The following ZRANB1 variants were observed in gnomAD, a reference collection of about 807,000 sequenced individuals.
ZRANB1 encodes ubiquitin thioesterase ZRANB1.
Under a neutral mutation model 80.5 loss-of-function variants are expected in ZRANB1, and 16 were observed. That is an observed-to-expected ratio of 0.20 (90% CI 0.13 to 0.30). The LOEUF is 0.30. Among genes scored for constraint, ZRANB1 ranks in the 10% least tolerant of loss-of-function variants. The pLI is 1.00. For missense variants in ZRANB1, 576 were observed against 862.6 expected, an observed-to-expected ratio of 0.67 and a Z score of 4.16; for synonymous variants, 291 against 293.1, an observed-to-expected ratio of 0.99 and a Z score of 0.07.
chr10:124,917,649 A>C, the ZRANB1 span, among the ~76,000 whole-genome samples: 1 of 152,188 alleles, frequency 6.6e-6, no homozygotes, highest in Non-Finnish European at 1.5e-5. Context: ...GGCCGTAAAC[A>C]CTTGGGTCCA....
At chr10:124,956,421 G>A (rs1439270465) in intron 1 of ZRANB1, among the ~76,000 whole-genome samples, 1 of 152,140 alleles carries the variant, frequency 6.6e-6, no homozygotes, top group Non-Finnish European at 1.5e-5. Context: ...CAGTCCTGCT[G>A]TGCATAGACA....
rs1457957027 is a variant in ZRANB1 at position 124,985,865 on chromosome 10, A to T, written c.*873A>T. The stretch of plus-strand genomic sequence containing the variant: ...ACTCCATCAACAATGTGCTGCTCCC[A>T]GATTGCCATGCCAGAGGGTCTTCGG... On this transcript the variant is annotated 3_prime_UTR_variant, in exon 9 of 9. Coordinates refer to ENST00000359653, the MANE Select transcript of ZRANB1 (RefSeq NM_017580.3). The T allele has an allele frequency of 6.6e-6, 1 of 151,964 alleles. No individual in the cohort carries two copies. Among genetic ancestry groups the T allele is most frequent in the Non-Finnish European group, 1.5e-5 (1 of 67,952 alleles). 9.4% of individuals were successfully genotyped at this position (151,964 alleles called of 1,614,324 possible).
In ZRANB1 at chr10:124,986,555, G is replaced by C. The variant is rs1589861872; in HGVS notation, c.*1563G>C. 6.6e-6 allele frequency: 1 copy of C among 152,090 alleles called. No individual in the cohort carries two copies. Among genetic ancestry groups the C allele is most frequent in the Non-Finnish European group, 1.5e-5 (1 of 68,034 alleles). The allele number at this position is 152,090 out of a possible 1,614,324, so 9.4% of individuals were successfully genotyped here. On this transcript the variant is annotated 3_prime_UTR_variant, in exon 9 of 9. Transcript: ENST00000359653. Reference sequence around the variant, plus strand: ...CATTTTTTGCTGCATGCTAAATCTTGCAGGAAAAATGATTTTTTAGTACGA... The same window carrying C: ...CATTTTTTGCTGCATGCTAAATCTTCCAGGAAAAATGATTTTTTAGTACGA...
rs779937717 is a variant in ZRANB1, at chr10:124,984,870, C to T, written c.2005C>T (p.Arg669Trp). ...TCTGGTTGCCATGCAGAAGAGTTCT[C>T]GGCGGCGAAATCACCCCCTGGTCAC... Reference protein sequence around the residue: ...GVLVAMQKSSRRRNHPLVTQM... With the variant: ...GVLVAMQKSSWRRNHPLVTQM... Residue 669 changes from arginine to tryptophan, a missense_variant, in exon 9 of 9, where the codon CGG becomes TGG. This residue lies in a region of ZRANB1 where 152 missense variants were observed against 221.9 expected (regional missense o/e 0.69). Coordinates refer to ENST00000359653, the MANE Select transcript of ZRANB1 (RefSeq NM_017580.3). 26 of 1,613,726 alleles carry T rather than the reference C, an allele frequency of 1.6e-5. 1 individual carries two copies. The highest frequency in any genetic ancestry group is 6.6e-5 in the South Asian group (6 of 91,062).
chr10:124,966,329 C>T (rs4246208), intron 1 of ZRANB1, among the ~76,000 whole-genome samples: 101,635 of 151,612 alleles, frequency 0.67, 34,992 homozygotes, highest in Middle Eastern at 0.76. Context: ...ATTCATGCAG[C>T]CTAATAGTTC....
rs375941101 is a variant in ZRANB1, at chr10:124,942,476, C to T, written c.-18C>T. 1.7e-5 allele frequency: 27 copies of T among 1,613,928 alleles called. No individual in the cohort carries two copies. The East Asian group carries it at 5.8e-4, about 35-fold the overall frequency. On this transcript the variant is annotated 5_prime_UTR_variant, in exon 1 of 9. Coordinates refer to ENST00000359653, the MANE Select transcript of ZRANB1 (RefSeq NM_017580.3). ...TTATAGCTTCCTGCCTGACACAGCT[C>T]ACTTCAAGAAGTGCACAATGTCAGA...
chr10:124,984,406 G>T (rs923314722), intron 8 of ZRANB1: 2 of 186,364 alleles, frequency 1.1e-5, no homozygotes, highest in African/African-American at 2.3e-5. Context: ...TTCATAGACC[G>T]TAACTTGTAT....
rs906860807 is a variant in ZRANB1, at chr10:124,987,659, T to C, written c.*2667T>C. On this transcript the variant is annotated 3_prime_UTR_variant, in exon 9 of 9. Transcript: ENST00000359653. Reference sequence around the variant, plus strand: ...CTCTCTCCATGTGAGCTTGTGTTAATAGACACTTTTATGGTAGAGTTGGGA... The same window carrying C: ...CTCTCTCCATGTGAGCTTGTGTTAACAGACACTTTTATGGTAGAGTTGGGA... The C allele has an allele frequency of 2.0e-5, 3 of 152,166 alleles. No homozygotes were observed. The highest frequency in any genetic ancestry group is 4.4e-5 in the Non-Finnish European group (3 of 68,036). The allele number at this position is 152,166 out of a possible 1,614,324, so 9.4% of individuals were successfully genotyped here. A position where few individuals can be genotyped will look rare whatever the true frequency, so the allele number is the denominator to read the frequency against.
At chr10:124,938,108 G>A (rs1951503529), upstream of ZRANB1, among the ~76,000 whole-genome samples, 1 of 152,144 alleles carries the variant, frequency 6.6e-6, no homozygotes, top group Admixed American at 6.5e-5. Context: ...GTGATATTTG[G>A]TAAGTTTTAT....
chr10:124,966,793 G>A lies in ZRANB1; in HGVS notation c.1002+12G>A, dbSNP rs370317543. 1,330 of 1,601,736 alleles carry A rather than the reference G, an allele frequency of 8.3e-4. 1 individual carries two copies. The highest frequency in any genetic ancestry group is 1.1e-3 in the Non-Finnish European group (1,289 of 1,171,194). On this transcript the variant is annotated intron_variant, in intron 2 of 8. Transcript: ENST00000359653. ...TATTGCTTACAGAGGTAAGTTTGGC[G>A]TTTTGGTTAAATGTTCTTTTATATT...
rs759810385 is a variant in ZRANB1 at position 124,984,941 on chromosome 10, G to T, written c.2076G>T (p.Pro692=). ...KWLDRYRQIR[P]CTSLSDGEED... is the part of the protein sequence containing the mutation. The stretch of plus-strand genomic sequence containing the variant: ...TTGACCGCTACCGACAGATCCGGCC[G>T]TGTACATCCCTGTCTGATGGAGAGG... The change falls in exon 9 of 9, where the codon CCG becomes CCT. Residue 692 remains proline (P), a synonymous_variant. Coordinates refer to ENST00000359653, the MANE Select transcript of ZRANB1 (RefSeq NM_017580.3). The T allele has an allele frequency of 3.1e-6, 5 of 1,613,758 alleles. No individual in the cohort carries two copies. The highest frequency in any genetic ancestry group is 1.7e-5 in the Admixed American group (1 of 59,966).
chr10:124,950,497 A>G (rs2134254014), intron 1 of ZRANB1, among the ~76,000 whole-genome samples: 1 of 152,310 alleles, frequency 6.6e-6, no homozygotes, highest in African/African-American at 2.4e-5. Flanking sequence ...AAATATTGTT[A>G]TATTTAATCT....
At chr10:124,979,354 C>T (rs1036985549) in intron 5 of ZRANB1, among the ~76,000 whole-genome samples, 7 of 152,128 alleles carry the variant, frequency 4.6e-5, no homozygotes, top group African/African-American at 1.4e-4. Context: ...TATCTTTCCA[C>T]GTCTTTTGCT....
At chr10:124,979,885 T>C (rs1951917814) in intron 5 of ZRANB1, among the ~76,000 whole-genome samples, 1 of 152,250 alleles carries the variant, frequency 6.6e-6, no homozygotes, top group Admixed American at 6.5e-5. Context: ...ATTTTTCCAC[T>C]GGGCTATCGT....
At chr10:124,978,707 C>CCTT (rs1235356109) in intron 5 of ZRANB1, among the ~76,000 whole-genome samples, 2 of 151,848 alleles carry the variant, frequency 1.3e-5, no homozygotes, top group African/African-American at 4.8e-5. Context: ...CTCACTGTAA[C>CCTT]CTTATACCTT....
Position 124,986,283 on chromosome 10 carries a change from G to GCACACACACA in ZRANB1, c.*1292_*1293insACACACACAC, listed in dbSNP as rs1418013177. On this transcript the variant is annotated 3_prime_UTR_variant, in exon 9 of 9. Coordinates refer to ENST00000359653, the MANE Select transcript of ZRANB1 (RefSeq NM_017580.3). ...ATTTGGAAAGACGACACACGCACGC[G>GCACACACACA]CGCGCGCGCACACACACACACACAC... The GCACACACACA allele has an allele frequency of 2.4e-4, 11 of 45,460 alleles. No individual in the cohort carries two copies. The highest frequency in any genetic ancestry group is 6.2e-4 in the East Asian group (1 of 1,602). 2.8% of individuals were successfully genotyped at this position (45,460 alleles called of 1,614,324 possible). A position where few individuals can be genotyped will look rare whatever the true frequency, so the allele number is the denominator to read the frequency against.
chr10:124,971,618 G>A (rs935700069), intron 2 of ZRANB1, among the ~76,000 whole-genome samples: 6 of 152,126 alleles, frequency 3.9e-5, no homozygotes, highest in African/African-American at 1.4e-4. Context: ...TTTTTATTGT[G>A]TGCACGATGG....
chr10:124,931,310 A>G, the ZRANB1 span, among the ~76,000 whole-genome samples: 8 of 150,030 alleles, frequency 5.3e-5, no homozygotes, highest in Non-Finnish European at 8.9e-5. Context: ...AGGCCTCCCA[A>G]GGTGCTAGGA....
intron 1 of ZRANB1, among the ~76,000 whole-genome samples, chr10:124,965,987 T>C (rs1246312984): frequency 6.6e-6 from 1 of 152,192 alleles, no homozygotes; most frequent in Non-Finnish European, 1.5e-5. Flanking sequence ...CTGGTCCAAT[T>C]TTTACGTTAT....
Sources: allele counts gnomAD v4.1 joint callset (sites outside exome capture counted in the v4.1 genomes callset), GRCh38; gene constraint gnomAD v4.1.1; regional missense constraint gnomAD v4.1.1; transcripts MANE v1.5; gene names NCBI Gene and HGNC (gene_info 2026-07-23, HGNC 2026-07-21).